The following SAMD12 variants were observed in gnomAD, a reference collection of about 807,000 sequenced individuals.
The protein encoded by SAMD12 is sterile alpha motif domain-containing protein 12.
SAMD12 carries 9 observed loss-of-function variants against 15.0 expected under a neutral mutation model. The ratio of observed to expected loss-of-function variants is 0.60; its 90% CI spans 0.36 to 1.05. The LOEUF (loss-of-function observed/expected upper bound fraction) is 1.05. Ranked by LOEUF, SAMD12 falls within the 50% of genes least tolerant of loss-of-function variation. SAMD12 has a pLI of 0.01. For synonymous variants in SAMD12, 86 were observed against 90.1 expected (o/e 0.96, Z 0.25); for missense variants, 230 against 234.2 (o/e 0.98, Z 0.12).
intron 4 of SAMD12, among the ~76,000 whole-genome samples, chr8:118,355,296 A>T (rs2130614587): frequency 6.6e-6 from 1 of 152,320 alleles, no homozygotes; most frequent in Non-Finnish European, 1.5e-5. Context: ...GTGGAAAGCC[A>T]AACATTGTAT....
chr8:118,389,136 A>G (rs1484380475), intron 3 of SAMD12, among the ~76,000 whole-genome samples: 5 of 152,238 alleles, frequency 3.3e-5, no homozygotes, highest in Non-Finnish European at 5.9e-5. Context: ...ACAAAAGCCT[A>G]TCATGGTGTA....
downstream of SAMD12, among the ~76,000 whole-genome samples, chr8:118,373,678 C>A (rs1230005919): frequency 6.6e-6 from 1 of 152,018 alleles, no homozygotes; most frequent in Non-Finnish European, 1.5e-5. Flanking sequence ...ACATACTATT[C>A]TTTTTTCATC....
chr8:118,261,620 A>G (rs1041384964), intron 4 of SAMD12, among the ~76,000 whole-genome samples: 3 of 151,090 alleles, frequency 2.0e-5, no homozygotes, highest in Non-Finnish European at 2.9e-5. Context: ...TTTGGCAACC[A>G]AGAAAACACA....
chr8:118,269,220 C>CTCTGTGTGTGTG (rs1299970707), intron 4 of SAMD12, among the ~76,000 whole-genome samples: 2 of 123,042 alleles, frequency 1.6e-5, no homozygotes, highest in African/African-American at 6.8e-5. Context: ...CTCTCTCTCT[C>CTCTGTGTGTGTG]TGTGTGTGTG....
chr8:118,164,149 CCTT>C, the SAMD12 span, among the ~76,000 whole-genome samples: 6 of 152,070 alleles, frequency 3.9e-5, no homozygotes, highest in Non-Finnish European at 5.9e-5. Flanking sequence ...AAGCAGAACT[CCTT>C]CTTGATGTTT....
In SAMD12 at chr8:118,283,887, G is replaced by C. The variant is rs139326699; in HGVS notation, c.434-86155C>G. On this transcript the variant is annotated intron_variant, in intron 4 of 4. Transcript: ENST00000409003. Reference sequence around the variant, plus strand: ...TAGGAGTTTCATTCAGAAACTTCACGTATTACAGCATGTTCCCATTCAAAA... The same window carrying C: ...TAGGAGTTTCATTCAGAAACTTCACCTATTACAGCATGTTCCCATTCAAAA... Among the ~76,000 whole-genome samples, 989 of 152,258 alleles carry C rather than the reference G, an allele frequency of 6.5e-3. 12 individuals carry two copies. The highest frequency in any genetic ancestry group is 0.023 in the African/African-American group (939 of 41,558).
chr8:118,272,322 A>C (rs1314722239), intron 4 of SAMD12, among the ~76,000 whole-genome samples: 1 of 152,240 alleles, frequency 6.6e-6, no homozygotes, highest in African/African-American at 2.4e-5. Context: ...AAAACAAGGT[A>C]TCAAGTCTTG....
chr8:118,404,810 T>A (rs1821047822), intron 3 of SAMD12, among the ~76,000 whole-genome samples: 1 of 152,108 alleles, frequency 6.6e-6, no homozygotes, highest in Non-Finnish European at 1.5e-5. Flanking sequence ...TTTTTCTACT[T>A]GTAATACGCT....
At position 118,378,851 on chromosome 8, in the gene SAMD12, G is replaced by A. The variant is rs1156865481; in HGVS notation, c.*566C>T. On this transcript the variant is annotated 3_prime_UTR_variant, in exon 4 of 4. Transcript: ENST00000314727. Reference sequence around the variant, plus strand: ...CTAGCTTTATTTTGTCACTTCCACAGTTATTGAGATCTTAAGTGCTCTCAT... The same window carrying A: ...CTAGCTTTATTTTGTCACTTCCACAATTATTGAGATCTTAAGTGCTCTCAT... 2 of 984,646 alleles carry A rather than the reference G, an allele frequency of 2.0e-6. No homozygotes were observed. Among genetic ancestry groups the A allele is most frequent in the Non-Finnish European group, 2.4e-6 (2 of 829,158 alleles). The allele number at this position is 984,646 out of a possible 1,614,324, so 61.0% of individuals were successfully genotyped here. A position where few individuals can be genotyped will look rare whatever the true frequency, so the allele number is the denominator to read the frequency against.
At chr8:118,309,976 T>C (rs1034164844) in intron 4 of SAMD12, among the ~76,000 whole-genome samples, 1 of 152,298 alleles carries the variant, frequency 6.6e-6, no homozygotes. Flanking sequence ...TTAATAATTA[T>C]TAAAGGAAAG....
chr8:118,324,404 T>A (rs781491787), intron 4 of SAMD12, among the ~76,000 whole-genome samples: 1 of 152,206 alleles, frequency 6.6e-6, no homozygotes, highest in Non-Finnish European at 1.5e-5. Context: ...AACAGCTATC[T>A]TGTGGGTCTT....
chr8:118,378,951 TATTATAAAA>T lies in SAMD12; in HGVS notation c.*457_*465del, dbSNP rs1273079302. 1 of 950,164 alleles carries T rather than the reference TATTATAAAA, an allele frequency of 1.1e-6. No individual in the cohort carries two copies. The highest frequency in any genetic ancestry group is 1.3e-6 in the Non-Finnish European group (1 of 795,328). 58.9% of individuals were successfully genotyped at this position (950,164 alleles called of 1,614,324 possible). A position where few individuals can be genotyped will look rare whatever the true frequency, so the allele number is the denominator to read the frequency against. ...GTGTAGTTTTAGATTCACTATAGTC[TATTATAAAA>T]ATTATTCCACTTTCAAGAAGCTAAA... On this transcript the variant is annotated 3_prime_UTR_variant, in exon 4 of 4. Transcript: ENST00000314727.
chr8:118,204,356 G>A (rs1440138131), intron 4 of SAMD12, among the ~76,000 whole-genome samples: 1 of 152,112 alleles, frequency 6.6e-6, no homozygotes, highest in Non-Finnish European at 1.5e-5. Flanking sequence ...GCCACTCTCT[G>A]CCCCACAAGA....
chr8:118,507,814 G>A (rs1824962066), intron 2 of SAMD12, among the ~76,000 whole-genome samples: 1 of 151,958 alleles, frequency 6.6e-6, no homozygotes, highest in African/African-American at 2.4e-5. Flanking sequence ...CTATACATGG[G>A]TTCTGCACAG....
chr8:118,346,532 G>C (rs1286335825), intron 4 of SAMD12, among the ~76,000 whole-genome samples: 1 of 152,194 alleles, frequency 6.6e-6, no homozygotes, highest in Non-Finnish European at 1.5e-5. Flanking sequence ...GGATTGAACA[G>C]CTCCTCAGGG....
At chr8:118,330,023 T>G (rs1816742226) in intron 4 of SAMD12, among the ~76,000 whole-genome samples, 1 of 152,102 alleles carries the variant, frequency 6.6e-6, no homozygotes, top group Admixed American at 6.6e-5. Context: ...ACATGGAACA[T>G]GTAGTGTAGG....
chr8:118,287,128 T>A (rs200146601), intron 4 of SAMD12, among the ~76,000 whole-genome samples: 1 of 93,734 alleles, frequency 1.1e-5, no homozygotes, highest in Non-Finnish European at 2.3e-5. Context: ...GAATATTTTT[T>A]TTTTTTTTTT....
intron 4 of SAMD12, among the ~76,000 whole-genome samples, chr8:118,372,665 G>T (rs1586620965): frequency 6.6e-6 from 1 of 152,068 alleles, no homozygotes; most frequent in African/African-American, 2.4e-5. Flanking sequence ...AGCTTTCTTT[G>T]TGTCAAACAA....
chr8:118,507,409 A>G (rs1824950805), intron 2 of SAMD12, among the ~76,000 whole-genome samples: 1 of 152,004 alleles, frequency 6.6e-6, no homozygotes, highest in Non-Finnish European at 1.5e-5. Context: ...AATATCTACC[A>G]CAAAGCCCAA....
Sources: gnomAD v4.1 joint callset for allele counts (sites outside exome capture counted in the v4.1 genomes callset) on GRCh38, gnomAD v4.1.1 for gene constraint, MANE v1.5 for transcripts, NCBI Gene and HGNC (gene_info 2026-07-23, HGNC 2026-07-21) for gene names.